HIVEP3: variants seen among roughly 807,000 people sequenced by gnomAD.
The protein encoded by HIVEP3 is HIVEP zinc finger 3.
Under a neutral mutation model 152.8 loss-of-function variants are expected in HIVEP3, and 49 were observed. That is an observed-to-expected ratio of 0.32 (90% CI 0.26 to 0.41). The LOEUF is 0.41. HIVEP3 is among the 10% of genes least tolerant of loss of function. The probability of loss-of-function intolerance (pLI) is 1.00; values close to 1 mark genes in which losing one functional copy is unlikely to be tolerated. For missense variants in HIVEP3, 2,790 were observed against 3,103.3 expected (o/e 0.90, Z 2.40); for synonymous variants, 1,269 against 1,289.0 (o/e 0.98, Z 0.33).
intron 1 of HIVEP3, among the ~76,000 whole-genome samples, chr1:41,786,429 C>G (rs542886558): frequency 2.0e-5 from 3 of 152,334 alleles, no homozygotes; most frequent in African/African-American, 4.8e-5. Flanking sequence ...CTCATCACTT[C>G]TGATTTTACA....
At chr1:41,699,062 C>T (rs1646321092) in intron 2 of HIVEP3, among the ~76,000 whole-genome samples, 1 of 152,224 alleles carries the variant, frequency 6.6e-6, no homozygotes, top group South Asian at 2.1e-4. Flanking sequence ...ACCTTCTGAA[C>T]CCAAAACTCA....
intron 1 of HIVEP3, among the ~76,000 whole-genome samples, chr1:41,777,362 G>C (rs1313109579): frequency 6.6e-6 from 1 of 152,228 alleles, no homozygotes; most frequent in Non-Finnish European, 1.5e-5. Context: ...CAGCCTGTCT[G>C]CAGGAACACT....
chr1:41,734,741 G>A (rs1487514749), intron 1 of HIVEP3, among the ~76,000 whole-genome samples: 3 of 152,240 alleles, frequency 2.0e-5, no homozygotes, highest in Non-Finnish European at 2.9e-5. Flanking sequence ...ACAGCAGCCA[G>A]CCCCGGGGCA....
chr1:41,618,192 C>A (rs1457344010), intron 3 of HIVEP3, among the ~76,000 whole-genome samples: 1 of 152,318 alleles, frequency 6.6e-6, no homozygotes, highest in East Asian at 1.9e-4. Context: ...TGTTCCGCTG[C>A]GGGATGGTGC....
chr1:41,638,632 TA>T (rs5773747), intron 2 of HIVEP3, among the ~76,000 whole-genome samples: 91,134 of 152,056 alleles, frequency 0.6, 27,459 homozygotes, highest in African/African-American at 0.62. Flanking sequence ...AGGGGGCTAC[TA>T]GGGGTAGAGG....
At chr1:41,956,435 G>T (rs999476963) in intron 1 of HIVEP3, among the ~76,000 whole-genome samples, 1 of 152,210 alleles carries the variant, frequency 6.6e-6, no homozygotes, top group African/African-American at 2.4e-5. Context: ...CAGGATCTCT[G>T]TAGAGCACCA....
intron 1 of HIVEP3, among the ~76,000 whole-genome samples, chr1:42,015,129 C>T (rs1225866257): frequency 6.6e-6 from 1 of 152,176 alleles, no homozygotes; most frequent in Non-Finnish European, 1.5e-5. Context: ...ACATCAAAAT[C>T]CAACCAGCAC....
At chr1:41,769,672 C>A (rs1216879504) in intron 1 of HIVEP3, among the ~76,000 whole-genome samples, 2 of 152,108 alleles carry the variant, frequency 1.3e-5, no homozygotes, top group Non-Finnish European at 2.9e-5. Context: ...TTCCAATGAT[C>A]AAAACATCCA....
chr1:42,027,518 C>T lies in HIVEP3; in HGVS notation n.119+8289G>A, dbSNP rs539481924. Among the ~76,000 whole-genome samples, 4 of 152,330 alleles carry T rather than the reference C, an allele frequency of 2.6e-5. No individual in the cohort carries two copies. The East Asian group carries it at 7.7e-4, about 29-fold the overall frequency. On this transcript the variant is annotated intron_variant and non_coding_transcript_variant, in intron 1 of 3. Transcript: ENST00000489103. ...CTGTGAGGCCCTGCATTCCCTCCAC[C>T]TCTCCTCTCCCATTATTTGTTGCAT...
chr1:41,715,314 T>G (rs1646574766), intron 1 of HIVEP3, among the ~76,000 whole-genome samples: 1 of 152,194 alleles, frequency 6.6e-6, no homozygotes, highest in Admixed American at 6.5e-5. Context: ...AGGAGGCGGC[T>G]TGGCAGATCT....
chr1:41,529,426 C>T (rs1467896511), intron 5 of HIVEP3, among the ~76,000 whole-genome samples: 4 of 143,492 alleles, frequency 2.8e-5, no homozygotes, highest in African/African-American at 1.1e-4. Context: ...CTCACACACA[C>T]CCTCACACAT....
chr1:41,842,900 T>A (rs1643330746), intron 1 of HIVEP3, among the ~76,000 whole-genome samples: 1 of 152,230 alleles, frequency 6.6e-6, no homozygotes, highest in African/African-American at 2.4e-5. Context: ...GGCACTGACC[T>A]GGGGTAACCT....
In HIVEP3 at chr1:41,582,497, C is replaced by T. The variant is rs1343706436; in HGVS notation, c.2301G>A (p.Leu767=). The change falls in exon 4 of 9, where the codon TTG becomes TTA. Residue 767 remains leucine (L), a synonymous_variant. Transcript: ENST00000372583. The surrounding 1 kb of genome is among the most constrained non-coding windows in gnomAD (Gnocchi z 4.7). ...PAEPSKSVPS[L]EGPTGFQPRT... is the part of the protein sequence containing the mutation. ...TTGGCTGGAAGCCCGTGGGTCCCTC[C>T]AAGGAGGGCACTGATTTACTTGGTT... 1.2e-6 allele frequency: 2 copies of T among 1,612,578 alleles called. No individual in the cohort carries two copies. Among genetic ancestry groups the T allele is most frequent in the African/African-American group, 1.3e-5 (1 of 75,000 alleles).
intron 1 of HIVEP3, among the ~76,000 whole-genome samples, chr1:41,794,785 G>T (rs1185459718): frequency 1.3e-5 from 2 of 152,108 alleles, no homozygotes; most frequent in Non-Finnish European, 2.9e-5. Context: ...TGCTGGGGAA[G>T]AATTTTTTTA....
In HIVEP3 at chr1:41,526,789, CCT is replaced by C. The variant is rs556306971; in HGVS notation, c.5208-1881_5208-1880del. 1.1e-3 allele frequency among the ~76,000 whole-genome samples: 152 copies of C among 138,666 alleles called. 1 individual carries two copies. The highest frequency in any genetic ancestry group is 1.7e-3 in the African/African-American group (61 of 36,844). The allele number at this position is 138,666 out of a possible 152,430, so 91.0% of individuals were successfully genotyped here. A position where few individuals can be genotyped will look rare whatever the true frequency, so the allele number is the denominator to read the frequency against. On this transcript the variant is annotated intron_variant, in intron 5 of 8. Coordinates refer to ENST00000372583, the MANE Select transcript of HIVEP3 (RefSeq NM_024503.5). ...CCCTCACACTCACCCTAACACACAC[CCT>C]CACACGCTCACCCTCACACATACAC...
At chr1:42,029,941 G>C (rs1052588796) in intron 1 of HIVEP3, among the ~76,000 whole-genome samples, 2 of 152,218 alleles carry the variant, frequency 1.3e-5, no homozygotes, top group African/African-American at 4.8e-5. Flanking sequence ...CTACAACGCT[G>C]TTTCCACCAG....
chr1:41,866,166 G>C (rs1643968659), intron 1 of HIVEP3, among the ~76,000 whole-genome samples: 1 of 152,208 alleles, frequency 6.6e-6, no homozygotes, highest in South Asian at 2.1e-4. Flanking sequence ...GGTCAAAGTG[G>C]GGGGTGCAGC....
intron 1 of HIVEP3, among the ~76,000 whole-genome samples, chr1:41,757,155 G>T (rs1403256412): frequency 2.0e-5 from 3 of 149,626 alleles, no homozygotes; most frequent in Non-Finnish European, 4.4e-5. Flanking sequence ...TCGCTCTGTG[G>T]CCCAGGCTGG....
At chr1:41,773,640 G>A (rs1309901918) in intron 1 of HIVEP3, among the ~76,000 whole-genome samples, 5 of 152,252 alleles carry the variant, frequency 3.3e-5, no homozygotes, top group African/African-American at 1.2e-4. Flanking sequence ...CTATTCCTCT[G>A]GTGCTTCATT....
Sources: allele counts gnomAD v4.1 joint callset (sites outside exome capture counted in the v4.1 genomes callset), GRCh38; gene constraint gnomAD v4.1.1; non-coding constraint Gnocchi (gnomAD v3.1); transcripts MANE v1.5; gene names NCBI Gene and HGNC (gene_info 2026-07-23, HGNC 2026-07-21).